ZNF644: variants seen among roughly 807,000 people sequenced by gnomAD.
ZNF644 encodes zinc finger protein 644, also known as zinc finger motif enhancer binding protein 2.
A neutral mutation model predicts 108.0 loss-of-function variants in ZNF644; 20 were observed. The observed-to-expected ratio is 0.19, with a 90% CI of 0.13 to 0.27. ZNF644 has a LOEUF of 0.27. ZNF644 is among the 10% of genes least tolerant of loss of function. The probability of loss-of-function intolerance (pLI) is 1.00; values close to 1 mark genes in which losing one functional copy is unlikely to be tolerated. For synonymous variants in ZNF644, 542 were observed against 539.1 expected (o/e 1.01, Z -0.08); for missense variants, 1,338 against 1,548.9 (o/e 0.86, Z 2.29).
At chr1:90,951,986 C>G (rs921533500) in intron 2 of ZNF644, among the ~76,000 whole-genome samples, 6 of 152,174 alleles carry the variant, frequency 3.9e-5, no homozygotes, top group African/African-American at 1.4e-4. Flanking sequence ...GAAGGCTACA[C>G]AGTCTTAGTT....
At chr1:90,993,121 C>T (rs1310593610) in intron 1 of ZNF644, among the ~76,000 whole-genome samples, 3 of 152,006 alleles carry the variant, frequency 2.0e-5, no homozygotes, top group African/African-American at 4.8e-5. Flanking sequence ...TAAGAAACAC[C>T]AGTGGAATCC....
At chr1:90,945,553 A>G (rs1652431569) in intron 2 of ZNF644, among the ~76,000 whole-genome samples, 1 of 152,066 alleles carries the variant, frequency 6.6e-6, no homozygotes, top group Non-Finnish European at 1.5e-5. Context: ...TTTGCAAACT[A>G]TCAGCACTTG....
At chr1:90,979,289 T>C (rs1021549784) in intron 2 of ZNF644, among the ~76,000 whole-genome samples, 3 of 151,996 alleles carry the variant, frequency 2.0e-5, no homozygotes, top group Non-Finnish European at 4.4e-5. Context: ...CTGACGAACA[T>C]AGTGAAACCC....
intron 1 of ZNF644, among the ~76,000 whole-genome samples, chr1:91,013,460 CACACACACACACACACACACACAT>C (rs1447723856): frequency 2.5e-4 from 36 of 146,142 alleles, no homozygotes; most frequent in African/African-American, 7.1e-4. Context: ...CTCACACACA[CACACACACACACACACACACACAT>C]ACACACACAC....
In ZNF644 at chr1:91,007,219, C is replaced by CGTTTTTTTTTTTTTTTTT. The variant is rs1557658445; in HGVS notation, c.-18+14770_-18+14771insAAAAAAAAAAAAAAAAAC. Among the ~76,000 whole-genome samples, 3 of 114,248 alleles carry CGTTTTTTTTTTTTTTTTT rather than the reference C, an allele frequency of 2.6e-5. 1 individual carries two copies. The highest frequency in any genetic ancestry group is 3.3e-5 in the African/African-American group (1 of 30,182). The allele number at this position is 114,248 out of a possible 152,430, so 75.0% of individuals were successfully genotyped here. ...ATTCTTAATTTCTTCCATTTTCTCC[C>CGTTTTTTTTTTTTTTTTT]ATTTTGTTTTTTTTTTTTTTTTTTT... On this transcript the variant is annotated intron_variant, in intron 1 of 5. Transcript: ENST00000337393.
At chr1:90,958,765 C>T (rs910965483) in intron 2 of ZNF644, among the ~76,000 whole-genome samples, 4 of 152,118 alleles carry the variant, frequency 2.6e-5, no homozygotes, top group Non-Finnish European at 4.4e-5. Context: ...TGGATAACCA[C>T]GTGCAAAAGA....
intron 1 of ZNF644, among the ~76,000 whole-genome samples, chr1:90,989,734 T>C (rs1396463493): frequency 2.6e-5 from 4 of 152,118 alleles, no homozygotes; most frequent in Non-Finnish European, 5.9e-5. Context: ...TATAAAATAG[T>C]GCAGCCATTA....
intron 1 of ZNF644, among the ~76,000 whole-genome samples, chr1:90,989,072 G>A (rs1222150681): frequency 1.3e-5 from 2 of 152,104 alleles, no homozygotes; most frequent in African/African-American, 4.8e-5. Flanking sequence ...GTAATCAATG[G>A]AGTGAAAAGA....
rs528132185 is a variant in ZNF644, at chr1:90,957,970, T to A, written c.45-16661A>T. On this transcript the variant is annotated intron_variant, in intron 2 of 5. Coordinates refer to ENST00000337393, the MANE Select transcript of ZNF644 (RefSeq NM_201269.3). ...TGCAAAAATCAGTTGTGCTTCTATA[T>A]ACCAGCAACGAATGATCCAAAAAGA... Among the ~76,000 whole-genome samples the A allele has an allele frequency of 3.0e-3, 460 of 152,178 alleles. 2 individuals are homozygous for A. The highest frequency in any genetic ancestry group is 4.9e-3 in the Admixed American group (75 of 15,278).
At chr1:90,991,782 T>C (rs74652870) in intron 1 of ZNF644, among the ~76,000 whole-genome samples, 1,922 of 152,226 alleles carry the variant, frequency 0.013, 39 homozygotes, top group African/African-American at 0.044. Context: ...ATCACCTCTC[T>C]CCAGGTCCCT....
intron 2 of ZNF644, among the ~76,000 whole-genome samples, chr1:90,946,133 T>C (rs1292442833): frequency 6.6e-6 from 1 of 152,084 alleles, no homozygotes. Flanking sequence ...CTTAATTAAC[T>C]GAAATATTAT....
At chr1:90,997,172 T>C (rs1658226829) in intron 1 of ZNF644, among the ~76,000 whole-genome samples, 3 of 152,140 alleles carry the variant, frequency 2.0e-5, no homozygotes, top group Admixed American at 1.3e-4. Flanking sequence ...AAGGGCTGTA[T>C]ACACGCCCAG....
At chr1:90,998,717 G>C (rs1314707865) in intron 1 of ZNF644, among the ~76,000 whole-genome samples, 1 of 152,224 alleles carries the variant, frequency 6.6e-6, no homozygotes, top group African/African-American at 2.4e-5. Flanking sequence ...TTGACGAGTT[G>C]AGAGAAGAAG....
chr1:91,007,220 A>ATTTTTTTTTTTTTTT (rs1557658483), intron 1 of ZNF644, among the ~76,000 whole-genome samples: 3 of 30,276 alleles, frequency 9.9e-5, no homozygotes, highest in African/African-American at 1.5e-4. Context: ...ATTTTCTCCC[A>ATTTTTTTTTTTTTTT]TTTTGTTTTT....
chr1:90,972,360 C>A (rs1442592461), intron 2 of ZNF644, among the ~76,000 whole-genome samples: 1 of 151,948 alleles, frequency 6.6e-6, no homozygotes, highest in Non-Finnish European at 1.5e-5. Flanking sequence ...TTCATATGGC[C>A]AATAAGCATA....
chr1:90,935,741 C>T (rs184973215), intron 4 of ZNF644, among the ~76,000 whole-genome samples: 76 of 152,230 alleles, frequency 5.0e-4, no homozygotes, highest in African/African-American at 1.8e-3. Context: ...GAAAGGTAGA[C>T]GAGGAGTGAC....
chr1:90,965,753 T>A (rs1654797992), intron 2 of ZNF644, among the ~76,000 whole-genome samples: 1 of 152,062 alleles, frequency 6.6e-6, no homozygotes, highest in Non-Finnish European at 1.5e-5. Context: ...TCCCACTAAC[T>A]CTCTCTTTTT....
At position 90,939,962 on chromosome 1, in the gene ZNF644, T is replaced by C. The variant is rs1322343806; in HGVS notation, c.1392A>G (p.Leu464=). ...GRTFRDRNSL[L]KHMIIHQERR... is the part of the protein sequence containing the mutation. ...TCTCCTGGTGAATAATCATATGTTT[T>C]AGAAGTGAATTGCGATCTCGAAATG... is the stretch of plus-strand genomic sequence containing the variant. Residue 464 remains leucine, a synonymous_variant, in exon 3 of 6, where the codon CTA becomes CTG. Transcript: ENST00000337393. 6.2e-7 allele frequency: 1 copy of C among 1,614,074 alleles called. No individual in the cohort carries two copies. The highest frequency in any genetic ancestry group is 1.3e-5 in the African/African-American group (1 of 75,034).
rs1480953275 is a variant in ZNF644, at chr1:90,916,006, A to T, written c.*792T>A. Reference sequence around the variant, plus strand: ...AAAAGAATGTCTTGCAATAAAGAACATTAGATTTTTAAAATCTATTATGAT... The same window carrying T: ...AAAAGAATGTCTTGCAATAAAGAACTTTAGATTTTTAAAATCTATTATGAT... On this transcript the variant is annotated 3_prime_UTR_variant, in exon 6 of 6. Transcript: ENST00000337393. The T allele has an allele frequency of 6.6e-6, 1 of 152,642 alleles. No individual in the cohort carries two copies. The highest frequency in any genetic ancestry group is 1.5e-5 in the Non-Finnish European group (1 of 68,014). The allele number at this position is 152,642 out of a possible 1,614,324, so 9.5% of individuals were successfully genotyped here. A position where few individuals can be genotyped will look rare whatever the true frequency, so the allele number is the denominator to read the frequency against.
Sources: gnomAD v4.1 joint callset for allele counts (sites outside exome capture counted in the v4.1 genomes callset) on GRCh38, gnomAD v4.1.1 for gene constraint, MANE v1.5 for transcripts, NCBI Gene and HGNC (gene_info 2026-07-23, HGNC 2026-07-21) for gene names.